Variants in APTX observed in about 807,000 individuals in gnomAD.
APTX encodes aprataxin.
Under a neutral mutation model 42.3 loss-of-function variants are expected in APTX, and 33 were observed. The ratio of observed to expected loss-of-function variants is 0.78; its 90% CI spans 0.59 to 1.04. APTX has a LOEUF of 1.04. APTX is among the 50% of genes least tolerant of loss of function. APTX has a pLI of 0.00. For synonymous variants in APTX, 130 were observed against 146.7 expected (o/e 0.89, Z 0.82); for missense variants, 421 against 415.1 (o/e 1.01, Z -0.12).
chr9:33,020,127 C>A, intron 1 of APTX: 1 of 371,278 alleles, frequency 2.7e-6, no homozygotes, highest in Non-Finnish European at 4.8e-6. Context: ...CATCCACGTC[C>A]CACATAACCG....
At chr9:33,020,696 T>C (rs2119318382) in intron 1 of APTX, among the ~76,000 whole-genome samples, 1 of 152,338 alleles carries the variant, frequency 6.6e-6, no homozygotes, top group South Asian at 2.1e-4. Context: ...ACCCCATCCC[T>C]AAAATCCTCC....
At chr9:33,008,908 G>A (rs1370744140) in intron 1 of APTX, among the ~76,000 whole-genome samples, 1 of 152,146 alleles carries the variant, frequency 6.6e-6, no homozygotes, top group East Asian at 1.9e-4. Context: ...CTGTAATTGG[G>A]ACACCAGTTG....
In APTX at chr9:32,974,474, G is replaced by C; in HGVS notation, c.858C>G (p.Tyr286Ter). The C allele has an allele frequency of 6.3e-7, 1 of 1,587,058 alleles. No individual in the cohort carries two copies. ...KKHWNSFNTE[Y>*]FLESQAVIEM... ...ACTGTTTACCTTGTGATTCTAGGAA[G>C]TATTCTGTATTGAAAGAATTCCAAT... Residue 286 changes from tyrosine to a stop codon, truncating the protein, a stop_gained, in exon 7 of 8, where the codon TAC (tyrosine) becomes TAG (stop). Coordinates refer to ENST00000379817, the MANE Select transcript of APTX (RefSeq NM_001195248.2). LOFTEE classifies it high-confidence loss of function.
intron 1 of APTX, among the ~76,000 whole-genome samples, chr9:32,995,659 G>A (rs949210021): frequency 2.0e-5 from 3 of 152,044 alleles, no homozygotes; most frequent in Admixed American, 1.3e-4. Flanking sequence ...AGGCCAAGGC[G>A]GGCGGATCAC....
At chr9:33,001,386 G>A (rs986689166) in intron 1 of APTX, 181 bp downstream of exon 1, 3 of 1,532,322 alleles carry the variant, frequency 2.0e-6, no homozygotes, top group Non-Finnish European at 1.7e-6. Flanking sequence ...ACCAACGCGA[G>A]CGCCCGCTGA....
chr9:33,002,057 G>A (rs1454440207), upstream of APTX, among the ~76,000 whole-genome samples: 4 of 152,228 alleles, frequency 2.6e-5, no homozygotes, highest in Non-Finnish European at 5.9e-5. Context: ...AAAGAATGGA[G>A]CGGTAAGAGG....
intron 1 of APTX, among the ~76,000 whole-genome samples, chr9:32,990,329 C>T (rs766234095): frequency 6.6e-6 from 1 of 152,164 alleles, no homozygotes; most frequent in African/African-American, 2.4e-5. Flanking sequence ...CCCGCCACCA[C>T]ACCTGGCTAA....
At chr9:32,987,143 T>C (rs1278200074) in intron 4 of APTX, among the ~76,000 whole-genome samples, 1 of 152,208 alleles carries the variant, frequency 6.6e-6, no homozygotes, top group Non-Finnish European at 1.5e-5. Flanking sequence ...CTGGCTGTTC[T>C]AAATGAAGGC....
upstream of APTX, among the ~76,000 whole-genome samples, chr9:33,006,371 GCTGCCATGTGCT>G (rs1837143341): frequency 6.6e-6 from 1 of 152,160 alleles, no homozygotes; most frequent in African/African-American, 2.4e-5. Context: ...ATTGTGAATA[GCTGCCATGTGCT>G]CTCCAGTTTG....
chr9:32,978,476 G>T (rs761819899), intron 6 of APTX, among the ~76,000 whole-genome samples: 1 of 152,142 alleles, frequency 6.6e-6, no homozygotes, highest in Admixed American at 6.5e-5. Flanking sequence ...GCTTGCTTAG[G>T]GGGAGAATGA....
At chr9:33,004,939 C>T (rs886760211), upstream of APTX, among the ~76,000 whole-genome samples, 1 of 151,920 alleles carries the variant, frequency 6.6e-6, no homozygotes, top group Non-Finnish European at 1.5e-5. Context: ...TGCGCCCGGC[C>T]GCTTGTTACT....
intron 1 of APTX, among the ~76,000 whole-genome samples, chr9:33,013,581 C>T (rs1458893742): frequency 2.0e-5 from 3 of 152,134 alleles, no homozygotes; most frequent in Non-Finnish European, 4.4e-5. Flanking sequence ...CCAAGGCGGG[C>T]AGATCACAAG....
chr9:33,005,620 G>C (rs1221709205), upstream of APTX, among the ~76,000 whole-genome samples: 1 of 150,710 alleles, frequency 6.6e-6, no homozygotes, highest in South Asian at 2.1e-4. Context: ...TTTTAATAGA[G>C]ACAGAGGTCT....
rs752381420 is a variant in APTX at position 32,986,052 on chromosome 9, A to AC, written c.484-23_484-22insG. The AC allele has an allele frequency of 5.3e-4, 357 of 670,702 alleles. 6 individuals are homozygous for AC. Among genetic ancestry groups the AC allele is most frequent in the Non-Finnish European group, 7.2e-4 (329 of 457,142 alleles). 41.5% of individuals were successfully genotyped at this position (670,702 alleles called of 1,614,324 possible). ...ATTCCTAAAAAAAAAACAAAAAAAA[A>AC]AACAAAAAAAAAAAAAAACAAGCAA... On this transcript the variant is annotated intron_variant, in intron 4 of 7. Transcript: ENST00000379817.
At chr9:32,977,939 A>G (rs545401047) in intron 6 of APTX, among the ~76,000 whole-genome samples, 1 of 152,350 alleles carries the variant, frequency 6.6e-6, no homozygotes, top group African/African-American at 2.4e-5. Flanking sequence ...AACAAGGACT[A>G]ACCCAAGTGT....
intron 1 of APTX, among the ~76,000 whole-genome samples, chr9:32,990,787 A>C (rs1043404254): frequency 6.6e-6 from 1 of 152,202 alleles, no homozygotes; most frequent in Non-Finnish European, 1.5e-5. Context: ...GGACATAAAA[A>C]AGATGTTCTC....
At chr9:33,015,959 A>G (rs1398995168) in intron 1 of APTX, 1 of 152,258 alleles carries the variant, frequency 6.6e-6, no homozygotes, top group Non-Finnish European at 1.5e-5. Context: ...TTAAGTTAGA[A>G]TACATTTGAC....
chr9:32,985,921 T>C (rs1432069679), intron 5 of APTX, 50 bp downstream of exon 5: 1 of 1,447,720 alleles, frequency 6.9e-7, no homozygotes, highest in Non-Finnish European at 9.7e-7. Context: ...CTCTGTGGAG[T>C]GGTCATTTAC....
intron 1 of APTX, among the ~76,000 whole-genome samples, chr9:33,020,915 A>C (rs1019667153): frequency 2.0e-5 from 3 of 152,112 alleles, no homozygotes; most frequent in Non-Finnish European, 4.4e-5. Flanking sequence ...AGATCACCTG[A>C]GGTTGGGAGT....
Sources: gnomAD v4.1 joint callset for allele counts (sites outside exome capture counted in the v4.1 genomes callset) on GRCh38, gnomAD v4.1.1 for gene constraint, MANE v1.5 for transcripts, NCBI Gene and HGNC (gene_info 2026-07-23, HGNC 2026-07-21) for gene names.